MID1: variants seen among roughly 807,000 people sequenced by gnomAD.
The protein encoded by MID1 is midline 1, also known as E3 ubiquitin-protein ligase Midline-1.
Under a neutral mutation model 40.4 loss-of-function variants are expected in MID1, and 7 were observed. The observed-to-expected ratio is 0.17, with a 90% CI of 0.10 to 0.33. The LOEUF (loss-of-function observed/expected upper bound fraction) is 0.33. Ranked by LOEUF, MID1 falls within the 10% of genes least tolerant of loss-of-function variation. The pLI, the probability that MID1 is intolerant of heterozygous loss-of-function variation, is 1.00. For missense variants in MID1, 367 were observed against 558.5 expected, an observed-to-expected ratio of 0.66 and a Z score of 3.46; for synonymous variants, 229 against 221.2, an observed-to-expected ratio of 1.04 and a Z score of -0.31.
intron 7 of MID1, chrX:10,460,070 G>C (rs760780674): frequency 2.5e-6 from 1 of 397,724 alleles, no homozygotes; most frequent in Non-Finnish European, 4.4e-6. Context: ...ATATTTCCCT[G>C]TCATGTGGCT....
chrX:10,686,777 G>A (rs2043101378), intron 1 of MID1, among the ~76,000 whole-genome samples: 1 of 112,144 alleles, frequency 8.9e-6, no homozygotes, highest in Admixed American at 9.5e-5. Context: ...GGACAACCTG[G>A]CTGAGAGCTC....
intron 2 of MID1, among the ~76,000 whole-genome samples, chrX:10,547,605 A>AAGGGAGGGGGGGAGAG (rs879409869): frequency 1.0e-5 from 1 of 95,441 alleles, no homozygotes; most frequent in African/African-American, 4.7e-5. Context: ...GGAAGGAAAG[A>AAGGGAGGGGGGGAGAG]AGGGAGGGTA....
rs767375315 is a variant in MID1, at chrX:10,529,994, C to G, written c.661-6807G>C. Among the ~76,000 whole-genome samples the G allele has an allele frequency of 5.4e-5, 6 of 111,970 alleles. No individual in the cohort carries two copies. In the South Asian group the frequency reaches 2.2e-3, roughly 42 times the overall value. On this transcript the variant is annotated intron_variant, in intron 2 of 9. Coordinates refer to ENST00000317552, the MANE Select transcript of MID1 (RefSeq NM_000381.4). ...CTCAGCTTTGCTAAACAACAGAAGT[C>G]TTCCATGCTTTCAGGCTTTTCTCAT...
At chrX:10,773,077 T>A (rs2147127866) in intron 1 of MID1, among the ~76,000 whole-genome samples, 1 of 112,116 alleles carries the variant, frequency 8.9e-6, no homozygotes, top group East Asian at 2.8e-4. Context: ...ATTTTAAAAA[T>A]TTAGTTTAAA....
intron 2 of MID1, among the ~76,000 whole-genome samples, chrX:10,536,318 C>T (rs1933252885): frequency 8.9e-6 from 1 of 112,162 alleles, no homozygotes; most frequent in Non-Finnish European, 1.9e-5. Flanking sequence ...AATAGATTTT[C>T]TAGAAAGTGA....
At chrX:10,668,735 A>G (rs1569142773) in intron 1 of MID1, among the ~76,000 whole-genome samples, 1 of 112,519 alleles carries the variant, frequency 8.9e-6, no homozygotes, top group Non-Finnish European at 1.9e-5. Context: ...GTACAGAACT[A>G]TAGGGAAGAA....
At chrX:10,769,290 C>CA (rs869305360) in intron 1 of MID1, among the ~76,000 whole-genome samples, 5 of 109,684 alleles carry the variant, frequency 4.6e-5, no homozygotes, top group East Asian at 2.9e-4. Flanking sequence ...AAAAACAAAA[C>CA]AAAAAAACCC....
chrX:10,632,467 C>G (rs1936063069), intron 1 of MID1, among the ~76,000 whole-genome samples: 1 of 111,451 alleles, frequency 9.0e-6, no homozygotes, highest in South Asian at 3.8e-4. Context: ...GGCCTTGGAG[C>G]AGAGTTTTTA....
chrX:10,759,827 C>T (rs2043663412), intron 1 of MID1, among the ~76,000 whole-genome samples: 2 of 111,966 alleles, frequency 1.8e-5, no homozygotes, highest in Non-Finnish European at 3.8e-5. Context: ...GTTTGTAAAG[C>T]ACAATTTACA....
At chrX:10,720,908 T>C (rs1432521945) in intron 1 of MID1, among the ~76,000 whole-genome samples, 1 of 109,531 alleles carries the variant, frequency 9.1e-6, no homozygotes, top group Non-Finnish European at 1.9e-5. Flanking sequence ...GGGACATGGA[T>C]GAAGCTGGAA....
At chrX:10,686,154 A>G (rs1438518005) in intron 1 of MID1, among the ~76,000 whole-genome samples, 1 of 111,371 alleles carries the variant, frequency 9.0e-6, no homozygotes, top group Non-Finnish European at 1.9e-5. Context: ...TATCATCACC[A>G]TGGCTCAGAG....
At chrX:10,489,002 G>A (rs1005032034) in intron 4 of MID1, among the ~76,000 whole-genome samples, 28 of 110,266 alleles carry the variant, frequency 2.5e-4, no homozygotes, top group Non-Finnish European at 3.2e-4. Context: ...TAGTTCTGTC[G>A]CTCTAGAGAA....
chrX:10,590,478 T>C (rs1935268235), intron 1 of MID1, among the ~76,000 whole-genome samples: 1 of 111,357 alleles, frequency 9.0e-6, no homozygotes, highest in African/African-American at 3.3e-5. Flanking sequence ...GGTCGCAGCA[T>C]TCCAGGGGAG....
Position 10,474,630 on chromosome X carries a change from G to A in MID1, c.1134C>T (p.Tyr378=). The change falls in exon 6 of 10, where the codon TAC becomes TAT. Residue 378 remains tyrosine (Y), a synonymous_variant. Coordinates refer to ENST00000317552, the MANE Select transcript of MID1 (RefSeq NM_000381.4). ...GAACATAAAAGACAATACCTGTAAG[G>A]TAATCCAGACATTCTAGCAGTTTCT... The part of the protein sequence containing the change: ...REKKLLECLD[Y]LTAPNPPTIR... 8.3e-7 allele frequency: 1 copy of A among 1,209,395 alleles called. No homozygotes were observed. Among genetic ancestry groups the A allele is most frequent in the Non-Finnish European group, 1.1e-6 (1 of 893,798 alleles).
At chrX:10,613,696 AATATATATATATATATATATATAT>A (rs1177605401) in intron 1 of MID1, among the ~76,000 whole-genome samples, 2 of 16,849 alleles carry the variant, frequency 1.2e-4, no homozygotes, top group African/African-American at 8.3e-4. Context: ...AACTGAAAGG[AATATATATATATATATATATATAT>A]ATATATATAT....
intron 1 of MID1, among the ~76,000 whole-genome samples, chrX:10,697,177 C>T (rs1375867600): frequency 1.8e-5 from 2 of 111,248 alleles, no homozygotes; most frequent in African/African-American, 6.5e-5. Flanking sequence ...CAAAAATCTG[C>T]TACTCCCTCC....
rs754125875 is a variant in MID1, at chrX:10,449,835, T to C, written c.1656-119A>G. 5.1e-5 allele frequency: 30 copies of C among 583,116 alleles called. No homozygotes were observed. The African/African-American group carries it at 6.1e-4, about 12-fold the overall frequency. 48.1% of individuals were successfully genotyped at this position (583,116 alleles called of 1,213,427 possible). ...GATCATTTGTTGTCCCTGTTCATTTTCTTTAAGTGAAAGCTTGGCAAGAAC... is the reference window on the plus strand; with the variant it reads ...GATCATTTGTTGTCCCTGTTCATTTCCTTTAAGTGAAAGCTTGGCAAGAAC... On this transcript the variant is annotated intron_variant, in intron 9 of 9. Coordinates refer to ENST00000317552, the MANE Select transcript of MID1 (RefSeq NM_000381.4).
intron 1 of MID1, among the ~76,000 whole-genome samples, chrX:10,777,364 AT>A (rs1379560273): frequency 2.5e-5 from 1 of 40,394 alleles, no homozygotes; most frequent in African/African-American, 1.0e-4. Flanking sequence ...TGCCCGGCTA[AT>A]TTTTTTGTAT....
intron 1 of MID1, among the ~76,000 whole-genome samples, chrX:10,599,373 T>C (rs1935474061): frequency 8.9e-6 from 1 of 112,195 alleles, no homozygotes; most frequent in Admixed American, 9.4e-5. Context: ...AAATCTCCAA[T>C]GCCCTTATTT....
Sources: gnomAD v4.1 joint callset for allele counts (sites outside exome capture counted in the v4.1 genomes callset) on GRCh38, gnomAD v4.1.1 for gene constraint, MANE v1.5 for transcripts, NCBI Gene and HGNC (gene_info 2026-07-23, HGNC 2026-07-21) for gene names.